The following IL17D variants were observed in gnomAD, a reference collection of about 807,000 sequenced individuals.
IL17D encodes the protein interleukin-17D.
IL17D carries 10 observed loss-of-function variants against 5.7 expected under a neutral mutation model. That is an observed-to-expected ratio of 1.75 (90% confidence interval 1.08 to 2.97). IL17D has a LOEUF of 2.97. Among genes scored for constraint, IL17D ranks in the 30% most tolerant of loss-of-function variants. The probability of loss-of-function intolerance (pLI) is 0.00; values close to 1 mark genes in which losing one functional copy is unlikely to be tolerated. For missense variants in IL17D, 354 were observed against 292.7 expected, an observed-to-expected ratio of 1.21 and a Z score of -1.53; for synonymous variants, 172 against 141.7, an observed-to-expected ratio of 1.21 and a Z score of -1.52.
chr13:20,706,332 A>C (rs1398371641), intron 1 of IL17D, among the ~76,000 whole-genome samples: 3 of 152,184 alleles, frequency 2.0e-5, no homozygotes, highest in African/African-American at 7.2e-5. Context: ...TGATATACCA[A>C]ATAGGATTAA....
In IL17D at chr13:20,704,242, C is replaced by T. The variant is rs1454432159; in HGVS notation, c.241C>T (p.Arg81Cys). 14 of 1,303,838 alleles carry T rather than the reference C, an allele frequency of 1.1e-5. No individual in the cohort carries two copies. The highest frequency in any genetic ancestry group is 6.4e-5 in the African/African-American group (4 of 62,722). 80.8% of individuals were successfully genotyped at this position (1,303,838 alleles called of 1,614,324 possible). A position where few individuals can be genotyped will look rare whatever the true frequency, so the allele number is the denominator to read the frequency against. The change falls in exon 1 of 2, where the codon CGC (arginine) becomes TGC (cysteine). Residue 81 changes from arginine (R) to cysteine (C), a missense_variant. Coordinates refer to ENST00000682841, the MANE Select transcript of IL17D (RefSeq NM_001385224.1). ...CPAGGRPADR[R>C]FRPPTNLRSV... ...GGCAGGGGGCAGGCCCGCCGACCGCCGCTTCCGGCCGCCCACCAACCTGCG... is the reference window on the plus strand; with the variant it reads ...GGCAGGGGGCAGGCCCGCCGACCGCTGCTTCCGGCCGCCCACCAACCTGCG...
rs1455884081 is a variant in IL17D, at chr13:20,719,008, A to T, written c.291-2628A>T. On this transcript the variant is annotated intron_variant, in intron 1 of 1. Coordinates refer to ENST00000682841, the MANE Select transcript of IL17D (RefSeq NM_001385224.1). ...CCCACTCACACACCCACACATGCCC[A>T]TGCTCACACATGCCCACACAGACAC... is the stretch of plus-strand genomic sequence containing the variant. 3.7e-5 allele frequency among the ~76,000 whole-genome samples: 5 copies of T among 135,992 alleles called. No individual in the cohort carries two copies. The East Asian group carries it at 1.2e-3, about 32-fold the overall frequency. The allele number at this position is 135,992 out of a possible 152,430, so 89.2% of individuals were successfully genotyped here. A position where few individuals can be genotyped will look rare whatever the true frequency, so the allele number is the denominator to read the frequency against.
chr13:20,720,382 C>T (rs958772387), intron 1 of IL17D, among the ~76,000 whole-genome samples: 5 of 152,204 alleles, frequency 3.3e-5, no homozygotes, highest in Non-Finnish European at 5.9e-5. Context: ...CACTCTTTCT[C>T]GTTGTACTTC....
chr13:20,713,167 C>G (rs930809490), intron 1 of IL17D: 1 of 152,152 alleles, frequency 6.6e-6, no homozygotes, highest in African/African-American at 2.4e-5. Context: ...AATGACAACG[C>G]TTTGTTGAGA....
intron 1 of IL17D, among the ~76,000 whole-genome samples, chr13:20,706,632 G>A (rs1217423147): frequency 6.6e-6 from 1 of 152,252 alleles, no homozygotes; most frequent in Non-Finnish European, 1.5e-5. Context: ...CCTGAAAGGC[G>A]TACAGGTGAC....
intron 1 of IL17D, among the ~76,000 whole-genome samples, chr13:20,715,384 G>A (rs1042431388): frequency 1.3e-5 from 2 of 152,170 alleles, no homozygotes; most frequent in Admixed American, 1.3e-4. Context: ...CTCATTAGAG[G>A]AAATGTAGAA....
chr13:20,705,430 C>A (rs1347647031), intron 1 of IL17D, among the ~76,000 whole-genome samples: 1 of 152,060 alleles, frequency 6.6e-6, no homozygotes, highest in Non-Finnish European at 1.5e-5. Flanking sequence ...AGAGCTTCAC[C>A]CTCACGCCTG....
intron 1 of IL17D, among the ~76,000 whole-genome samples, chr13:20,714,800 A>AT (rs1566519854): frequency 1.3e-5 from 2 of 152,166 alleles, no homozygotes; most frequent in East Asian, 3.9e-4. Flanking sequence ...CCAGAAAAGC[A>AT]TTTTTCAGAG....
intron 1 of IL17D, 124 bp from the exon 2 acceptor site, chr13:20,721,512 A>ACGCG (rs2058734192): frequency 4.1e-6 from 3 of 736,916 alleles, no homozygotes; most frequent in South Asian, 2.0e-5. Flanking sequence ...CCTCGCACGC[A>ACGCG]CGCGCCCGCA....
Position 20,704,222 on chromosome 13 carries a change from G to T in IL17D, c.221G>T (p.Gly74Val), listed in dbSNP as rs1479392293. Residue 74 changes from glycine to valine, a missense_variant, in exon 1 of 2, where the codon GGG becomes GTG. Coordinates refer to ENST00000682841, the MANE Select transcript of IL17D (RefSeq NM_001385224.1). ...EQARNASCPA[G>V]GRPADRRFRP... ...GCGCGCAACGCGAGCTGCCCGGCAG[G>T]GGGCAGGCCCGCCGACCGCCGCTTC... 3.0e-6 allele frequency: 4 copies of T among 1,343,008 alleles called. No individual in the cohort carries two copies. The highest frequency in any genetic ancestry group is 3.4e-5 in the South Asian group (2 of 59,638). The allele number at this position is 1,343,008 out of a possible 1,614,324, so 83.2% of individuals were successfully genotyped here. A position where few individuals can be genotyped will look rare whatever the true frequency, so the allele number is the denominator to read the frequency against.
chr13:20,710,628 TAAAAAA>T (rs11445353), intron 1 of IL17D, among the ~76,000 whole-genome samples: 8 of 55,266 alleles, frequency 1.4e-4, no homozygotes, highest in African/African-American at 3.2e-4. Context: ...AAACTCTGTC[TAAAAAA>T]AAAAAAAAAA....
rs1264129106 is a variant in IL17D, at chr13:20,722,992, G to A, written c.*1038G>A. The A allele has an allele frequency of 6.6e-6, 1 of 152,206 alleles. No individual in the cohort carries two copies. The highest frequency in any genetic ancestry group is 2.4e-5 in the African/African-American group (1 of 41,442). The allele number at this position is 152,206 out of a possible 1,614,324, so 9.4% of individuals were successfully genotyped here. A position where few individuals can be genotyped will look rare whatever the true frequency, so the allele number is the denominator to read the frequency against. On this transcript the variant is annotated 3_prime_UTR_variant, in exon 2 of 2. Coordinates refer to ENST00000682841, the MANE Select transcript of IL17D (RefSeq NM_001385224.1). ...TCTGTTTCTGCATTCTGCCACGAGAGCTAGGTCCTTGATCTTTTCTTTAGA... is the reference window on the plus strand; with the variant it reads ...TCTGTTTCTGCATTCTGCCACGAGAACTAGGTCCTTGATCTTTTCTTTAGA...
chr13:20,719,742 A>G (rs2058716604), intron 1 of IL17D, among the ~76,000 whole-genome samples: 1 of 152,204 alleles, frequency 6.6e-6, no homozygotes, highest in Non-Finnish European at 1.5e-5. Flanking sequence ...TAGGGGGTCC[A>G]CAAATGCCCC....
At chr13:20,704,511 A>G (rs1003334698) in intron 1 of IL17D, among the ~76,000 whole-genome samples, 1 of 13,524 alleles carries the variant, frequency 7.4e-5, no homozygotes, top group East Asian at 2.3e-3. Context: ...AGGGTACGGT[A>G]GGGTGGGGTG....
chr13:20,718,808 CCCTGCCCACACACA>C (rs1272650952), intron 1 of IL17D, among the ~76,000 whole-genome samples: 5 of 105,730 alleles, frequency 4.7e-5, no homozygotes, highest in Non-Finnish European at 9.7e-5. Flanking sequence ...CCACGCTCAC[CCCTGCCCACACACA>C]CCTGCCCACA....
At chr13:20,718,889 CG>C in intron 1 of IL17D, among the ~76,000 whole-genome samples, 1 of 137,692 alleles carries the variant, frequency 7.3e-6, no homozygotes, top group African/African-American at 2.7e-5. Flanking sequence ...CACACCTGCC[CG>C]TGCTCACACA....
chr13:20,711,476 G>A (rs1309155729), intron 1 of IL17D, among the ~76,000 whole-genome samples: 2 of 152,150 alleles, frequency 1.3e-5, no homozygotes, highest in Non-Finnish European at 2.9e-5. Flanking sequence ...TCAAGGCCCC[G>A]CCTCCCACAC....
intron 1 of IL17D, among the ~76,000 whole-genome samples, chr13:20,712,273 C>T (rs1206527604): frequency 6.6e-6 from 1 of 152,188 alleles, no homozygotes. Flanking sequence ...AGAAAGTTAT[C>T]CTCACTACAG....
Position 20,721,933 on chromosome 13 carries a change from C to T in IL17D, c.588C>T (p.Asn196=), listed in dbSNP as rs754420264. The part of the protein sequence containing the change: ...KQGAKLLLGP[N]DAPAGP ...GCGCCAAGCTCCTGCTGGGCCCCAA[C>T]GACGCGCCCGCTGGCCCCTGAGGCC... The change falls in exon 2 of 2, where the codon AAC becomes AAT. Residue 196 remains asparagine (N), a synonymous_variant. Transcript: ENST00000682841. 2 of 1,598,062 alleles carry T rather than the reference C, an allele frequency of 1.3e-6. No homozygotes were observed. Among genetic ancestry groups the T allele is most frequent in the South Asian group, 1.1e-5 (1 of 90,392 alleles).
Sources: gnomAD v4.1 joint callset for allele counts (sites outside exome capture counted in the v4.1 genomes callset) on GRCh38, gnomAD v4.1.1 for gene constraint, MANE v1.5 for transcripts, NCBI Gene and HGNC (gene_info 2026-07-23, HGNC 2026-07-21) for gene names.